PVT1: variants seen among roughly 807,000 people sequenced by gnomAD.
PVT1 encodes Pvt1 oncogene, also known as CXCR4/PVT1 fusion.
intron 2 of PVT1, among the ~76,000 whole-genome samples, chr8:127,801,027 GCT>G (rs1814459212): frequency 6.6e-6 from 1 of 152,146 alleles, no homozygotes; most frequent in Non-Finnish European, 1.5e-5. Context: ...GGCGTTTCAG[GCT>G]CTGGGAAGAG....
chr8:128,061,545 G>T (rs904256520), intron 4 of PVT1, among the ~76,000 whole-genome samples: 23 of 152,152 alleles, frequency 1.5e-4, no homozygotes, highest in African/African-American at 5.6e-4. Flanking sequence ...TGGGTCATAT[G>T]GTAACTCTAT....
At chr8:127,802,863 A>G (rs796859997) in intron 2 of PVT1, among the ~76,000 whole-genome samples, 2 of 152,132 alleles carry the variant, frequency 1.3e-5, no homozygotes, top group South Asian at 4.1e-4. Flanking sequence ...ACCACAGCCA[A>G]CCAGGCCTGC....
intron 4 of PVT1, among the ~76,000 whole-genome samples, chr8:128,007,149 G>A (rs1817256715): frequency 6.6e-6 from 1 of 152,228 alleles, no homozygotes. Flanking sequence ...CGCTCCAACT[G>A]TAACTGCAAC....
intron 2 of PVT1, among the ~76,000 whole-genome samples, chr8:127,863,496 A>G (rs1004771921): frequency 2.0e-5 from 3 of 152,162 alleles, no homozygotes; most frequent in Non-Finnish European, 4.4e-5. Context: ...AAAAAATCCT[A>G]CTAACTTCAG....
chr8:127,921,339 TAAAAA>T (rs5894902), intron 3 of PVT1, among the ~76,000 whole-genome samples: 3 of 150,334 alleles, frequency 2.0e-5, no homozygotes, highest in African/African-American at 7.3e-5. Flanking sequence ...TTAAAAATGT[TAAAAA>T]AAAAAAGTTA....
In PVT1 at chr8:128,023,797, G is replaced by A. The variant is rs1055376517; in HGVS notation, n.912+34506G>A. On this transcript the variant is annotated intron_variant and non_coding_transcript_variant, in intron 4 of 10. Coordinates refer to ENST00000651587, the Ensembl canonical transcript of PVT1. ...CGTGAGATGTCGATTGATCTACGGAGTAATTTGGGTCCCTGGCTCCAAGGC... is the reference window on the plus strand; with the variant it reads ...CGTGAGATGTCGATTGATCTACGGAATAATTTGGGTCCCTGGCTCCAAGGC... 7.2e-5 allele frequency among the ~76,000 whole-genome samples: 11 copies of A among 152,298 alleles called. No homozygotes were observed. The South Asian group carries it at 8.3e-4, about 11-fold the overall frequency.
chr8:128,071,897 A>T (rs923036122), intron 5 of PVT1, among the ~76,000 whole-genome samples: 1 of 152,070 alleles, frequency 6.6e-6, no homozygotes, highest in Non-Finnish European at 1.5e-5. Context: ...TCTGACAATT[A>T]TCAGCCATGT....
chr8:127,984,659 T>C (rs1243546877), intron 3 of PVT1, among the ~76,000 whole-genome samples: 1 of 152,048 alleles, frequency 6.6e-6, no homozygotes, highest in Non-Finnish European at 1.5e-5. Context: ...CAGGCTGGAG[T>C]GCTGTGGTAC....
At chr8:127,857,322 G>GC (rs1747447828) in intron 2 of PVT1, among the ~76,000 whole-genome samples, 1 of 149,090 alleles carries the variant, frequency 6.7e-6, no homozygotes, top group African/African-American at 2.5e-5. Flanking sequence ...CCTCTTTTGG[G>GC]CTCTTGATGA....
intron 6 of PVT1, among the ~76,000 whole-genome samples, chr8:128,097,577 A>G (rs1814445250): frequency 6.6e-6 from 1 of 152,178 alleles, no homozygotes; most frequent in Admixed American, 6.5e-5. Context: ...ATTAGGCAGT[A>G]CTGACCACAC....
intron 4 of PVT1, among the ~76,000 whole-genome samples, chr8:128,035,319 G>A (rs762335813): frequency 1.2e-4 from 18 of 152,144 alleles, no homozygotes; most frequent in South Asian, 2.1e-4. Context: ...GGGGACTTCC[G>A]ACCTCAAGCC....
At chr8:128,075,389 C>T (rs1233509669) in intron 5 of PVT1, among the ~76,000 whole-genome samples, 1 of 152,004 alleles carries the variant, frequency 6.6e-6, no homozygotes, top group African/African-American at 2.4e-5. Context: ...AATAGATGCT[C>T]AAATAGTGCA....
chr8:128,020,750 GTTTGTAGTAA>G (rs1817423755), intron 4 of PVT1, among the ~76,000 whole-genome samples: 1 of 152,224 alleles, frequency 6.6e-6, no homozygotes, highest in Non-Finnish European at 1.5e-5. Context: ...AAGCCACTAA[GTTTGTAGTAA>G]TTTGTTATAG....
chr8:127,897,158 C>A (rs916176517), intron 3 of PVT1, among the ~76,000 whole-genome samples: 1 of 152,192 alleles, frequency 6.6e-6, no homozygotes, highest in Non-Finnish European at 1.5e-5. Flanking sequence ...AACCCCGTTA[C>A]CCCTGAGCGA....
intron 2 of PVT1, among the ~76,000 whole-genome samples, chr8:127,853,948 GCT>G (rs1815133021): frequency 6.6e-6 from 1 of 152,068 alleles, no homozygotes; most frequent in South Asian, 2.1e-4. Flanking sequence ...CGTGGCCCTT[GCT>G]CTGTCCTGCC....
At chr8:128,029,406 G>T (rs1813361964) in intron 4 of PVT1, among the ~76,000 whole-genome samples, 1 of 152,168 alleles carries the variant, frequency 6.6e-6, no homozygotes, top group African/African-American at 2.4e-5. Flanking sequence ...GGGATTACAG[G>T]TGTGAGCCAT....
intron 2 of PVT1, among the ~76,000 whole-genome samples, chr8:127,809,060 G>GAAAA (rs1198335251): frequency 1.9e-5 from 2 of 102,712 alleles, no homozygotes; most frequent in African/African-American, 7.1e-5. Flanking sequence ...AAAAAAGAAA[G>GAAAA]AAAAAAAAGA....
At chr8:127,904,746 C>T (rs1006193868) in intron 3 of PVT1, among the ~76,000 whole-genome samples, 9 of 152,174 alleles carry the variant, frequency 5.9e-5, no homozygotes, top group Admixed American at 3.3e-4. Context: ...ATGGGGAGCA[C>T]CTGGGCCTGT....
At chr8:127,976,663 G>A (rs983971151) in intron 3 of PVT1, among the ~76,000 whole-genome samples, 1 of 152,142 alleles carries the variant, frequency 6.6e-6, no homozygotes, top group Non-Finnish European at 1.5e-5. Flanking sequence ...CTTGGCACAG[G>A]TCATGTTCAG....
Sources: gnomAD v4.1 joint callset for allele counts (sites outside exome capture counted in the v4.1 genomes callset) on GRCh38, gnomAD v4.1.1 for gene constraint, MANE v1.5 for transcripts, NCBI Gene and HGNC (gene_info 2026-07-23, HGNC 2026-07-21) for gene names.